Variants in INSL3 observed in about 807,000 individuals in gnomAD.
The protein encoded by INSL3 is insulin-like 3.
In INSL3, 6 loss-of-function variants were observed where a neutral mutation model predicts 5.5. The observed-to-expected ratio is 1.08, with a 90% CI of 0.59 to 2.14. The LOEUF (loss-of-function observed/expected upper bound fraction) is 2.14, where lower values mean the gene tolerates loss of function less well. INSL3 is among the 30% of genes most tolerant of loss of function. The probability of loss-of-function intolerance (pLI) is 0.00; values close to 1 mark genes in which losing one functional copy is unlikely to be tolerated. For missense variants in INSL3, 178 were observed against 184.7 expected (o/e 0.96, Z 0.21); for synonymous variants, 86 against 82.1 (o/e 1.05, Z -0.26).
intron 1 of INSL3, among the ~76,000 whole-genome samples, chr19:17,819,894 C>A (rs2094193014): frequency 6.7e-6 from 1 of 150,134 alleles, no homozygotes; most frequent in South Asian, 2.1e-4. Flanking sequence ...CATGGTGAAA[C>A]CTGTTGTTTC....
At chr19:17,818,414 A>C (rs1279065680) in intron 1 of INSL3, among the ~76,000 whole-genome samples, 1 of 152,078 alleles carries the variant, frequency 6.6e-6, no homozygotes, top group Non-Finnish European at 1.5e-5. Flanking sequence ...CCAGGAGTTC[A>C]TGACCAGCCT....
rs572822901 is a variant in INSL3, at chr19:17,816,709, G to A, written c.*145C>T. 1.3e-6 allele frequency: 1 copy of A among 743,684 alleles called. No individual in the cohort carries two copies. The highest frequency in any genetic ancestry group is 1.6e-5 in the South Asian group (1 of 63,026). The allele number at this position is 743,684 out of a possible 1,614,324, so 46.1% of individuals were successfully genotyped here. A position where few individuals can be genotyped will look rare whatever the true frequency, so the allele number is the denominator to read the frequency against. ...ACTCCACAGGCTGCAGGTGGCATTG[G>A]TCTGGGGTAGATAGTGAGCACCCAT... On this transcript the variant is annotated 3_prime_UTR_variant, in exon 2 of 2. Coordinates refer to ENST00000317306, the MANE Select transcript of INSL3 (RefSeq NM_005543.4).
Position 17,821,317 on chromosome 19 carries a change from G to A in INSL3, c.190C>T (p.Arg64Cys), listed in dbSNP as rs998261923. 4 of 1,546,458 alleles carry A rather than the reference G, an allele frequency of 2.6e-6. No homozygotes were observed. Among genetic ancestry groups the A allele is most frequent in the East Asian group, 2.4e-5 (1 of 40,890 alleles). Residue 64 changes from arginine to cysteine, a missense_variant and splice_region_variant, in exon 1 of 2, where the codon CGT (arginine) becomes TGT (cysteine). By Grantham distance (180) the Arg-to-Cys change is radical. Coordinates refer to ENST00000317306, the MANE Select transcript of INSL3 (RefSeq NM_005543.4). ...EARRPATGGD[R>C]ELLQWLERRH... is the part of the protein sequence containing the mutation. ...GCTGTCCCTGCCCGTCCCCACTCAC[G>A]GTCGCCTCCGGTCGCAGGCCTCCTG... is the stretch of plus-strand genomic sequence containing the variant.
In INSL3 at chr19:17,821,462, AG is replaced by A; in HGVS notation, c.44del (p.Pro15LeufsTer28). 1 of 1,528,152 alleles carries A rather than the reference AG, an allele frequency of 6.5e-7. No individual in the cohort carries two copies. The highest frequency in any genetic ancestry group is 2.5e-5 in the East Asian group (1 of 40,450). The allele number at this position is 1,528,152 out of a possible 1,614,324, so 94.7% of individuals were successfully genotyped here. A position where few individuals can be genotyped will look rare whatever the true frequency, so the allele number is the denominator to read the frequency against. ...CGGGGCCCAACGCGAACACCAGGGC[AG>A]GGCCCAGCAGCACCAGCGCCCAGGC... ...LPAWALVLLG[P>X]ALVFALGPAP... On this transcript the variant is annotated frameshift_variant, in exon 1 of 2. Transcript: ENST00000317306. LOFTEE classifies it high-confidence loss of function.
At chr19:17,821,183 G>T (rs1194545567) in intron 1 of INSL3, 134 bp downstream of exon 1, 2 of 1,053,514 alleles carry the variant, frequency 1.9e-6, no homozygotes, top group African/African-American at 1.6e-5. Flanking sequence ...CACGATCTGT[G>T]CACGCAGCCG....
At chr19:17,817,450 A>G (rs1265142235) in intron 1 of INSL3, among the ~76,000 whole-genome samples, 1 of 135,546 alleles carries the variant, frequency 7.4e-6, no homozygotes, top group Non-Finnish European at 1.5e-5. Flanking sequence ...ACGCCACTGC[A>G]CTCCAGCCTG....
rs536730078 is a variant in INSL3 at position 17,821,513 on chromosome 19, G to C, written c.-7C>G. 610 of 1,468,928 alleles carry C rather than the reference G, an allele frequency of 4.2e-4. No individual in the cohort carries two copies. The African/African-American group carries it at 8.1e-3, about 19-fold the overall frequency. The allele number at this position is 1,468,928 out of a possible 1,614,324, so 91.0% of individuals were successfully genotyped here. On this transcript the variant is annotated 5_prime_UTR_variant, in exon 1 of 2. Coordinates refer to ENST00000317306, the MANE Select transcript of INSL3 (RefSeq NM_005543.4). Reference sequence around the variant, plus strand: ...CGGGCAGACGGGGGTCCATGGTGGTGGGTGGCGCCGGGGCCAAGCGGGGAC... The same window carrying C: ...CGGGCAGACGGGGGTCCATGGTGGTCGGTGGCGCCGGGGCCAAGCGGGGAC...
intron 1 of INSL3, among the ~76,000 whole-genome samples, chr19:17,818,718 G>T (rs1291659352): frequency 6.6e-6 from 1 of 152,092 alleles, no homozygotes; most frequent in Non-Finnish European, 1.5e-5. Flanking sequence ...GGGTGATTTT[G>T]TTTCCAGGGG....
In INSL3 at chr19:17,821,326, C is replaced by G; in HGVS notation, c.181G>C (p.Gly61Arg). ...GCCCGTCCCCACTCACGGTCGCCTC[C>G]GGTCGCAGGCCTCCTGGCTTCGGTG... The part of the protein sequence containing the change: ...WSTEARRPAT[G>R]GDRELLQWLE... The change falls in exon 1 of 2, where the codon GGA becomes CGA. Residue 61 changes from glycine (G) to arginine (R), a missense_variant. Transcript: ENST00000317306. The G allele has an allele frequency of 6.5e-7, 1 of 1,547,510 alleles. No individual in the cohort carries two copies. The highest frequency in any genetic ancestry group is 8.7e-7 in the Non-Finnish European group (1 of 1,146,746).
chr19:17,818,271 T>C (rs905128667), intron 1 of INSL3, among the ~76,000 whole-genome samples: 3 of 152,074 alleles, frequency 2.0e-5, no homozygotes, highest in Non-Finnish European at 4.4e-5. Context: ...CGTATATCCC[T>C]GCACCAGGGC....
At chr19:17,819,169 G>T (rs1382665552) in intron 1 of INSL3, among the ~76,000 whole-genome samples, 1 of 148,662 alleles carries the variant, frequency 6.7e-6, no homozygotes, top group African/African-American at 2.5e-5. Context: ...GGGAGGCAGA[G>T]GTTGCAATGA....
chr19:17,819,063 C>T (rs912030571), intron 1 of INSL3, among the ~76,000 whole-genome samples: 6 of 151,110 alleles, frequency 4.0e-5, no homozygotes, highest in East Asian at 2.0e-4. Context: ...TTAGTAGAGA[C>T]GAGGTTTCGC....
chr19:17,817,208 T>C, intron 1 of INSL3, 149 bp from the exon 2 acceptor site: 1 of 819,760 alleles, frequency 1.2e-6, no homozygotes, highest in Non-Finnish European at 2.0e-6. Context: ...CCGGGTGCAG[T>C]GGCTTACACC....
At chr19:17,817,512 G>T (rs1216429541) in intron 1 of INSL3, among the ~76,000 whole-genome samples, 4 of 147,302 alleles carry the variant, frequency 2.7e-5, no homozygotes, top group Non-Finnish European at 6.0e-5. Flanking sequence ...AGTGAGCACT[G>T]GCCCGGCTCA....
rs753168130 is a variant in INSL3 at position 17,816,971 on chromosome 19, G to T, written c.279C>A (p.Pro93=). The change falls in exon 2 of 2, where the codon CCC becomes CCA. Residue 93 remains proline, a synonymous_variant. Coordinates refer to ENST00000317306, the MANE Select transcript of INSL3 (RefSeq NM_005543.4). ...SNLTLGPGLQ[P]LPQTSHHHRH... ...GGTGATGGTGAGAGGTCTGGGGCAG[G>T]GGCTGCAGGCCAGGTCCCAGCGTGA... The T allele has an allele frequency of 1.2e-6, 2 of 1,613,988 alleles. No homozygotes were observed. Among genetic ancestry groups the T allele is most frequent in the Admixed American group, 3.3e-5 (2 of 59,988 alleles).
chr19:17,821,348 G>A lies in INSL3; in HGVS notation c.159C>T (p.Thr53=), dbSNP rs113403604. The A allele has an allele frequency of 1.9e-6, 3 of 1,548,912 alleles. No homozygotes were observed. The highest frequency in any genetic ancestry group is 2.4e-5 in the East Asian group (1 of 40,916). ...VRVCGGPRWS[T]EARRPATGGD... Reference sequence around the variant, plus strand: ...CTCCGGTCGCAGGCCTCCTGGCTTCGGTGGACCAGCGGGGGCCCCCGCACA... The same window carrying A: ...CTCCGGTCGCAGGCCTCCTGGCTTCAGTGGACCAGCGGGGGCCCCCGCACA... The change falls in exon 1 of 2, where the codon ACC becomes ACT. Residue 53 remains threonine, a synonymous_variant. Transcript: ENST00000317306.
chr19:17,820,794 G>C (rs374642582), intron 1 of INSL3, among the ~76,000 whole-genome samples: 1 of 151,382 alleles, frequency 6.6e-6, no homozygotes, highest in Non-Finnish European at 1.5e-5. Flanking sequence ...CCCTCAGGGG[G>C]ACTCATGCTC....
intron 1 of INSL3, among the ~76,000 whole-genome samples, chr19:17,819,168 A>T (rs2094191994): frequency 6.9e-6 from 1 of 145,604 alleles, no homozygotes; most frequent in Non-Finnish European, 1.5e-5. Context: ...TGGGAGGCAG[A>T]GGTTGCAATG....
intron 1 of INSL3, chr19:17,820,259 G>C (rs1328800020): frequency 3.8e-6 from 1 of 261,468 alleles, no homozygotes; most frequent in African/African-American, 2.4e-5. Context: ...ACTCTGGTTT[G>C]GGTGACAGAG....
Sources: gnomAD v4.1 joint callset for allele counts (sites outside exome capture counted in the v4.1 genomes callset) on GRCh38, gnomAD v4.1.1 for gene constraint, MANE v1.5 for transcripts, NCBI Gene and HGNC (gene_info 2026-07-23, HGNC 2026-07-21) for gene names.